The following SOX6 variants were observed in gnomAD, a reference collection of about 807,000 sequenced individuals.
SOX6 encodes transcription factor SOX-6.
A neutral mutation model predicts 97.8 loss-of-function variants in SOX6; 11 were observed. The observed-to-expected ratio is 0.11, with a 90% confidence interval of 0.07 to 0.19. SOX6 has a LOEUF of 0.19. SOX6 is among the 10% of genes least tolerant of loss of function. The probability of loss-of-function intolerance (pLI) is 1.00; values close to 1 mark genes in which losing one functional copy is unlikely to be tolerated. For synonymous variants in SOX6, 360 were observed against 371.4 expected, an observed-to-expected ratio of 0.97 and a Z score of 0.35; for missense variants, 810 against 1,039.5, an observed-to-expected ratio of 0.78 and a Z score of 3.04.
At chr11:16,279,559 A>C (rs1434383986) in intron 3 of SOX6, among the ~76,000 whole-genome samples, 1 of 152,070 alleles carries the variant, frequency 6.6e-6, no homozygotes, top group Non-Finnish European at 1.5e-5. Context: ...TTGCTTATTA[A>C]ATATTTTTAA....
rs1429680729 is a variant in SOX6, at chr11:16,610,863, G to T, written n.609+1218C>A. On this transcript the variant is annotated intron_variant and non_coding_transcript_variant, in intron 4 of 5. Coordinates refer to the SOX6 transcript ENST00000524520. This position sits in a 1 kb window ranked among gnomAD's most constrained non-coding sequence, Gnocchi z 4.4. ...CCACCTACCTGGTGCGCACCGGCCTGCGGGCTCGGAGAAGTTCCCGGAGGA... is the reference window on the plus strand; with the variant it reads ...CCACCTACCTGGTGCGCACCGGCCTTCGGGCTCGGAGAAGTTCCCGGAGGA... Among the ~76,000 whole-genome samples, 1 of 152,208 alleles carries T rather than the reference G, an allele frequency of 6.6e-6. No individual in the cohort carries two copies. The highest frequency in any genetic ancestry group is 2.4e-5 in the African/African-American group (1 of 41,458).
intron 3 of SOX6, among the ~76,000 whole-genome samples, chr11:16,301,982 T>C (rs1384790537): frequency 6.6e-6 from 1 of 152,032 alleles, no homozygotes; most frequent in Non-Finnish European, 1.5e-5. Flanking sequence ...AGCCCCACCA[T>C]TAAATCTCTC....
intron 9 of SOX6, among the ~76,000 whole-genome samples, chr11:16,081,260 T>G (rs1472757319): frequency 6.6e-6 from 1 of 152,096 alleles, no homozygotes; most frequent in Non-Finnish European, 1.5e-5. Context: ...AGCTAAGATG[T>G]TCACACTAAG....
intron 1 of SOX6, among the ~76,000 whole-genome samples, chr11:16,345,408 G>A (rs1856750287): frequency 6.6e-6 from 1 of 151,992 alleles, no homozygotes; most frequent in African/African-American, 2.4e-5. Context: ...CTCCCAGGAT[G>A]CCAGGCCATT....
intron 4 of SOX6, among the ~76,000 whole-genome samples, chr11:16,508,962 T>C (rs55730604): frequency 0.21 from 31,703 of 151,912 alleles, 4,384 homozygotes; most frequent in Non-Finnish European, 0.3. Flanking sequence ...TATGCAAATA[T>C]GTACCAATAA....
intron 3 of SOX6, among the ~76,000 whole-genome samples, chr11:16,284,218 T>C (rs1854665647): frequency 6.6e-6 from 1 of 152,094 alleles, no homozygotes; most frequent in Non-Finnish European, 1.5e-5. Flanking sequence ...CATTAGTACA[T>C]GGGCTATTAA....
intron 12 of SOX6, among the ~76,000 whole-genome samples, chr11:16,019,715 A>G (rs1376370135): frequency 3.3e-5 from 5 of 152,150 alleles, no homozygotes; most frequent in African/African-American, 1.2e-4. Flanking sequence ...TGCATCCTAA[A>G]ATACATATTT....
chr11:16,603,062 A>T (rs1848290168), intron 4 of SOX6, among the ~76,000 whole-genome samples: 2 of 152,106 alleles, frequency 1.3e-5, no homozygotes, highest in East Asian at 1.9e-4. Context: ...ACCCTGTCCC[A>T]CTAAACTTGT....
chr11:16,113,370 C>T (rs1386863496), intron 6 of SOX6, among the ~76,000 whole-genome samples: 3 of 152,300 alleles, frequency 2.0e-5, no homozygotes, highest in South Asian at 2.1e-4. Context: ...TAGCTTTGAG[C>T]AGCTATTTCT....
intron 4 of SOX6, among the ~76,000 whole-genome samples, chr11:16,491,788 A>G (rs1018530727): frequency 1.3e-5 from 2 of 152,176 alleles, no homozygotes; most frequent in Non-Finnish European, 2.9e-5. Flanking sequence ...TATATGAAAA[A>G]ACAAAATAAA....
chr11:16,179,227 G>A (rs539050792), intron 6 of SOX6, among the ~76,000 whole-genome samples: 1 of 151,930 alleles, frequency 6.6e-6, no homozygotes, highest in African/African-American at 2.4e-5. Context: ...ATGTTTAATT[G>A]TTTAAGGACA....
chr11:16,145,421 T>A (rs971643270), intron 6 of SOX6, among the ~76,000 whole-genome samples: 1 of 152,270 alleles, frequency 6.6e-6, no homozygotes, highest in South Asian at 2.1e-4. Flanking sequence ...ACTGGAAGCA[T>A]TCCCTTTGAA....
At chr11:16,066,819 A>C (rs1276027353) in intron 9 of SOX6, among the ~76,000 whole-genome samples, 1 of 152,294 alleles carries the variant, frequency 6.6e-6, no homozygotes, top group South Asian at 2.1e-4. Flanking sequence ...AGAATGGATA[A>C]GACCTAAGTT....
chr11:16,320,252 A>G (rs1435920398), intron 2 of SOX6, among the ~76,000 whole-genome samples: 1 of 152,076 alleles, frequency 6.6e-6, no homozygotes. Flanking sequence ...GAAAATCCTA[A>G]TTGCTCCTCT....
chr11:16,078,598 A>G (rs184915537), intron 9 of SOX6, among the ~76,000 whole-genome samples: 23 of 152,264 alleles, frequency 1.5e-4, no homozygotes, highest in African/African-American at 5.5e-4. Flanking sequence ...GTTTTGGAAA[A>G]GCAGACGTGG....
chr11:16,624,184 T>TTTTTTTTATTTA (rs1554979379), intron 3 of SOX6, among the ~76,000 whole-genome samples: 1 of 147,232 alleles, frequency 6.8e-6, no homozygotes, highest in Non-Finnish European at 1.5e-5. Context: ...TATTTTTTTA[T>TTTTTTTTATTTA]TTTATTTATT....
intron 3 of SOX6, among the ~76,000 whole-genome samples, chr11:16,236,392 C>T (rs550812161): frequency 4.7e-4 from 72 of 151,992 alleles, no homozygotes; most frequent in African/African-American, 1.5e-3. Context: ...CAAATCCATG[C>T]CTGTCACAGA....
rs900940596 is a variant in SOX6 at position 16,448,561 on chromosome 11, A to G, written c.-5+27754T>C. On this transcript the variant is annotated intron_variant, in intron 1 of 15. Transcript: ENST00000396356. ...TGACCAGATAACTTTTCCATCACCT[A>G]CTTACACTTTCATATGACTTTCTTC... is the stretch of plus-strand genomic sequence containing the variant. 1.4e-4 allele frequency among the ~76,000 whole-genome samples: 21 copies of G among 152,306 alleles called. 1 individual carries two copies. The highest frequency in any genetic ancestry group is 9.2e-4 in the Admixed American group (14 of 15,298).
At chr11:16,177,655 C>CTCTCAT (rs1459006110) in intron 6 of SOX6, among the ~76,000 whole-genome samples, 3 of 151,438 alleles carry the variant, frequency 2.0e-5, no homozygotes, top group Non-Finnish European at 4.4e-5. Flanking sequence ...CTCTCATTCT[C>CTCTCAT]TCTCTCTCTC....
Sources: allele counts gnomAD v4.1 joint callset (sites outside exome capture counted in the v4.1 genomes callset), GRCh38; gene constraint gnomAD v4.1.1; non-coding constraint Gnocchi (gnomAD v3.1); transcripts MANE v1.5; gene names NCBI Gene and HGNC (gene_info 2026-07-23, HGNC 2026-07-21).